The following MVB12B variants were observed in gnomAD, a reference collection of about 807,000 sequenced individuals.
MVB12B encodes multivesicular body subunit 12B, also known as ESCRT-I complex subunit MVB12B.
Under a neutral mutation model 41.6 loss-of-function variants are expected in MVB12B, and 16 were observed. The observed-to-expected ratio is 0.38, with a 90% CI of 0.26 to 0.58. The LOEUF (loss-of-function observed/expected upper bound fraction) is 0.58. Among genes scored for constraint, MVB12B ranks in the 20% least tolerant of loss-of-function variants. MVB12B has a pLI of 0.62. For missense variants in MVB12B, 274 were observed against 380.2 expected (o/e 0.72, Z 2.32); for synonymous variants, 133 against 139.7 (o/e 0.95, Z 0.34).
chr9:126,385,145 G>A (rs959658891), intron 3 of MVB12B, among the ~76,000 whole-genome samples: 9 of 152,116 alleles, frequency 5.9e-5, no homozygotes, highest in Admixed American at 6.5e-5. Context: ...CCTCCAGTTC[G>A]ATTTGTGACT....
rs906975623 is a variant in MVB12B, at chr9:126,491,913, C to T, written c.873+7881C>T. ...CAGCGCAGGAATCAGTTTTATGCCACAGACAAGATTAATTATCTTCCCATA... is the reference window on the plus strand; with the variant it reads ...CAGCGCAGGAATCAGTTTTATGCCATAGACAAGATTAATTATCTTCCCATA... On this transcript the variant is annotated intron_variant, in intron 9 of 9. Coordinates refer to ENST00000361171, the MANE Select transcript of MVB12B (RefSeq NM_033446.3). 2.6e-5 allele frequency among the ~76,000 whole-genome samples: 4 copies of T among 152,162 alleles called. No homozygotes were observed. The East Asian group carries it at 5.8e-4, about 22-fold the overall frequency.
At position 126,473,151 on chromosome 9, in the gene MVB12B, G is replaced by A. The variant is rs556795956; in HGVS notation, c.758-8218G>A. ...TTCACCCTCACCACAGCCCGCAGAG[G>A]CAGCTGTAGTATTATGCCCACCTTA... On this transcript the variant is annotated intron_variant, in intron 7 of 9. Transcript: ENST00000361171. This position sits in a 1 kb window ranked among gnomAD's most constrained non-coding sequence, Gnocchi z 4.0. Among the ~76,000 whole-genome samples the A allele has an allele frequency of 6.6e-6, 1 of 152,230 alleles. No homozygotes were observed. The highest frequency in any genetic ancestry group is 1.9e-4 in the East Asian group (1 of 5,180).
chr9:126,394,136 C>G (rs921372153), intron 5 of MVB12B, among the ~76,000 whole-genome samples: 1 of 152,308 alleles, frequency 6.6e-6, no homozygotes, highest in South Asian at 2.1e-4. Context: ...TCCCGTTTTG[C>G]AACACGGTTT....
chr9:126,456,232 G>T (rs1832984135), intron 7 of MVB12B, among the ~76,000 whole-genome samples: 1 of 152,116 alleles, frequency 6.6e-6, no homozygotes, highest in South Asian at 2.1e-4. Context: ...ACAGTAATTA[G>T]ACCTTAAATG....
At chr9:126,443,668 A>T (rs1832698817) in intron 7 of MVB12B, among the ~76,000 whole-genome samples, 1 of 152,246 alleles carries the variant, frequency 6.6e-6, no homozygotes, top group Non-Finnish European at 1.5e-5. Context: ...TTTACACTTA[A>T]AAGTGTATGT....
chr9:126,347,090 A>C (rs1173863857), intron 2 of MVB12B, among the ~76,000 whole-genome samples: 2 of 152,240 alleles, frequency 1.3e-5, no homozygotes, highest in Admixed American at 1.3e-4. Flanking sequence ...AAAGTGTCGA[A>C]TGTGTCTAGT....
At chr9:126,375,004 GA>G (rs2118939178) in intron 2 of MVB12B, among the ~76,000 whole-genome samples, 1 of 152,164 alleles carries the variant, frequency 6.6e-6, no homozygotes, top group Admixed American at 6.5e-5. Flanking sequence ...TTATTTCCTA[GA>G]GGCATTTATT....
rs995468487 is a variant in MVB12B, at chr9:126,374,038, G to T, written c.205-7026G>T. 4.1e-4 allele frequency among the ~76,000 whole-genome samples: 63 copies of T among 152,160 alleles called. 1 individual carries two copies. Among genetic ancestry groups the T allele is most frequent in the Admixed American group, 4.1e-3 (62 of 15,284 alleles). ...ACTTACTCTTTCTCCTGAACTTTCC[G>T]TGTTAGTGTGTGTATGTGTACAAAG... On this transcript the variant is annotated intron_variant, in intron 2 of 9. Transcript: ENST00000361171.
In MVB12B at chr9:126,340,581, G is replaced by T. The variant is rs754094585; in HGVS notation, c.155G>T (p.Gly52Val). 3 of 1,614,102 alleles carry T rather than the reference G, an allele frequency of 1.9e-6. No individual in the cohort carries two copies. In the African/African-American group the frequency reaches 4.0e-5, roughly 22 times the overall value. The change falls in exon 2 of 10, where the codon GGA (glycine) becomes GTA (valine). Residue 52 changes from glycine (G) to valine (V), a missense_variant. Physicochemically the swap from Gly to Val is moderately radical, Grantham distance 109. Coordinates refer to ENST00000361171, the MANE Select transcript of MVB12B (RefSeq NM_033446.3). The surrounding 1 kb of genome is among the most constrained non-coding windows in gnomAD (Gnocchi z 4.0). ...GAAACGTCAATGGATCCCATCACGG[G>T]AGTCGGGGTGGTGGCTTCTCGGAAC... Reference protein sequence around the residue: ...LPETSMDPITGVGVVASRNRA... With the variant: ...LPETSMDPITVVGVVASRNRA...
chr9:126,497,390 T>C (rs1345789089), intron 9 of MVB12B, among the ~76,000 whole-genome samples: 1 of 152,106 alleles, frequency 6.6e-6, no homozygotes, highest in Non-Finnish European at 1.5e-5. Flanking sequence ...CCCACCCCTC[T>C]GCCCACGCCC....
At chr9:126,405,087 G>A (rs74573956) in intron 6 of MVB12B, among the ~76,000 whole-genome samples, 1 of 152,160 alleles carries the variant, frequency 6.6e-6, no homozygotes, top group Non-Finnish European at 1.5e-5. Context: ...TTGACGATTC[G>A]TCAGTTCAGC....
intron 7 of MVB12B, among the ~76,000 whole-genome samples, chr9:126,441,085 G>A (rs574903777): frequency 3.9e-5 from 6 of 152,316 alleles, no homozygotes; most frequent in South Asian, 2.1e-4. Context: ...CATTAGTCAC[G>A]ATGGGAGGTG....
chr9:126,388,445 A>G (rs1830860272), intron 4 of MVB12B, among the ~76,000 whole-genome samples: 1 of 152,166 alleles, frequency 6.6e-6, no homozygotes, highest in Admixed American at 6.5e-5. Context: ...CAACTGATGG[A>G]TATCTGAGTT....
At chr9:126,479,930 T>C (rs10733677) in intron 7 of MVB12B, among the ~76,000 whole-genome samples, 63,754 of 152,016 alleles carry the variant, frequency 0.42, 13,862 homozygotes, top group East Asian at 0.7. Context: ...AGGTTTTTTC[T>C]TCTCTTATGT....
chr9:126,328,732 G>A (rs1358541876), intron 1 of MVB12B, among the ~76,000 whole-genome samples: 2 of 152,130 alleles, frequency 1.3e-5, no homozygotes, highest in Non-Finnish European at 2.9e-5. Flanking sequence ...GGATGAATGA[G>A]AGGAGTAGCT....
At chr9:126,446,204 T>C (rs758130278) in intron 7 of MVB12B, among the ~76,000 whole-genome samples, 1 of 152,126 alleles carries the variant, frequency 6.6e-6, no homozygotes, top group Non-Finnish European at 1.5e-5. Context: ...AAATTTGGAA[T>C]ATTTTAATGT....
Position 126,456,042 on chromosome 9 carries a change from C to A in MVB12B, c.758-25327C>A, listed in dbSNP as rs538529988. Among the ~76,000 whole-genome samples the A allele has an allele frequency of 7.7e-4, 117 of 152,100 alleles. 1 individual carries two copies. The highest frequency in any genetic ancestry group is 2.8e-3 in the African/African-American group (116 of 41,484). ...AGTAGCTGGGATCACAGGTACCCGC[C>A]ACCATGCCCAGCTAATTTTGTATTT... On this transcript the variant is annotated intron_variant, in intron 7 of 9. Transcript: ENST00000361171.
intron 7 of MVB12B, among the ~76,000 whole-genome samples, chr9:126,464,567 C>T (rs760097053): frequency 9.2e-5 from 14 of 152,180 alleles, no homozygotes; most frequent in Admixed American, 3.3e-4. Context: ...GTGATATTGA[C>T]GTGGGAATAT....
chr9:126,447,685 G>A (rs868454865), intron 7 of MVB12B, among the ~76,000 whole-genome samples: 8 of 152,216 alleles, frequency 5.3e-5, no homozygotes, highest in Middle Eastern at 3.4e-3. Flanking sequence ...CACCATCAAC[G>A]TTTTTTGATC....
Sources: allele counts gnomAD v4.1 joint callset (sites outside exome capture counted in the v4.1 genomes callset), GRCh38; gene constraint gnomAD v4.1.1; non-coding constraint Gnocchi (gnomAD v3.1); transcripts MANE v1.5; gene names NCBI Gene and HGNC (gene_info 2026-07-23, HGNC 2026-07-21).